The following AHDC1 variants were observed in gnomAD, a reference collection of about 807,000 sequenced individuals.
The protein encoded by AHDC1 is AT-hook DNA binding motif containing 1.
In AHDC1, 7 loss-of-function variants were observed where a neutral mutation model predicts 87.9. The ratio of observed to expected loss-of-function variants is 0.08; its 90% CI spans 0.05 to 0.15. AHDC1 has a LOEUF of 0.15. Among genes scored for constraint, AHDC1 ranks in the 10% least tolerant of loss-of-function variants. The pLI is 1.00. For missense variants in AHDC1, 1,841 were observed against 2,253.2 expected (o/e 0.82, Z 3.70); for synonymous variants, 1,051 against 1,006.8 (o/e 1.04, Z -0.83).
At chr1:27,587,547 G>A (rs2089094662) in intron 3 of AHDC1, among the ~76,000 whole-genome samples, 1 of 152,126 alleles carries the variant, frequency 6.6e-6, no homozygotes, top group Non-Finnish European at 1.5e-5. Context: ...CCAGAACCCT[G>A]ACAATTTCCT....
intron 3 of AHDC1, among the ~76,000 whole-genome samples, chr1:27,580,663 A>G (rs2088879555): frequency 6.6e-6 from 1 of 152,206 alleles, no homozygotes; most frequent in Non-Finnish European, 1.5e-5. Context: ...TAACTATTTC[A>G]CAGGTTGTTG....
intron 7 of AHDC1, 183 bp from the exon 8 acceptor site, chr1:27,552,372 T>C (rs1266658188): frequency 8.7e-6 from 4 of 459,322 alleles, no homozygotes; most frequent in African/African-American, 4.1e-5. Flanking sequence ...ACCATGTGTA[T>C]AGTGAGCCCC....
rs2020157165 is a variant in AHDC1 at position 27,562,931 on chromosome 1, C to T, written c.-628-4048G>A. ...AGGCGCACAAGTTGGTGACAACCCT[C>T]CTAACGGGATGAACTAAGCACATAA... On this transcript the variant is annotated intron_variant, in intron 3 of 8. Transcript: ENST00000673934. The surrounding 1 kb of genome is among the most constrained non-coding windows in gnomAD (Gnocchi z 4.4). Among the ~76,000 whole-genome samples the T allele has an allele frequency of 6.6e-6, 1 of 152,148 alleles. No individual in the cohort carries two copies. Among genetic ancestry groups the T allele is most frequent in the African/African-American group, 2.4e-5 (1 of 41,418 alleles).
In AHDC1 at chr1:27,562,283, G is replaced by C. The variant is rs114123741; in HGVS notation, c.-628-3400C>G. Among the ~76,000 whole-genome samples, 1 of 152,114 alleles carries C rather than the reference G, an allele frequency of 6.6e-6. No individual in the cohort carries two copies. Among genetic ancestry groups the C allele is most frequent in the Non-Finnish European group, 1.5e-5 (1 of 68,006 alleles). On this transcript the variant is annotated intron_variant, in intron 3 of 8. Transcript: ENST00000673934. The surrounding 1 kb of genome is among the most constrained non-coding windows in gnomAD (Gnocchi z 4.4). ...CGAGCCTGGGAGAGATAACAGGCCC[G>C]AATAGTGCTGACTTGCGGTTCAGAA...
intron 3 of AHDC1, among the ~76,000 whole-genome samples, chr1:27,580,866 C>T (rs560239297): frequency 1.3e-5 from 2 of 152,160 alleles, no homozygotes; most frequent in East Asian, 1.9e-4. Flanking sequence ...GATGGAGTCT[C>T]GCTCTGTCGC....
rs754675220 is a variant in AHDC1 at position 27,549,897 on chromosome 1, C to T, written c.2219G>A (p.Arg740His). 8 of 1,613,530 alleles carry T rather than the reference C, an allele frequency of 5.0e-6. No homozygotes were observed. Among genetic ancestry groups the T allele is most frequent in the South Asian group, 1.1e-5 (1 of 91,018 alleles). The change falls in exon 8 of 9, where the codon CGC becomes CAC. Residue 740 changes from arginine (R) to histidine (H), a missense_variant. This residue lies in a region of AHDC1 where 236 missense variants were observed against 257.9 expected (regional missense o/e 0.92). Coordinates refer to ENST00000673934, the MANE Select transcript of AHDC1 (RefSeq NM_001371928.1). The stretch of plus-strand genomic sequence containing the variant: ...CCCATTCTTCCGGGACCGTCTCTTG[C>T]GCTTTGGCTTCCCAGTCACAGCGTC... ...EVDAVTGKPK[R>H]KRRSRKNGTL...
At position 27,595,195 on chromosome 1, in the gene AHDC1, C is replaced by A. The variant is rs1287401769; in HGVS notation, c.-629+8202G>T. Among the ~76,000 whole-genome samples, 3 of 151,864 alleles carry A rather than the reference C, an allele frequency of 2.0e-5. No individual in the cohort carries two copies. The highest frequency in any genetic ancestry group is 2.0e-4 in the Admixed American group (3 of 15,252). On this transcript the variant is annotated intron_variant, in intron 3 of 8. Coordinates refer to ENST00000673934, the MANE Select transcript of AHDC1 (RefSeq NM_001371928.1). This position sits in a 1 kb window ranked among gnomAD's most constrained non-coding sequence, Gnocchi z 4.0. The stretch of plus-strand genomic sequence containing the variant: ...TTCTTGTTTGAGTGGGTGTTTGAAG[C>A]AGTGAGTGTATGTGTGTTGTAGGGG...
At chr1:27,543,954 A>T (rs1571217178) in intron 8 of AHDC1, among the ~76,000 whole-genome samples, 1 of 152,234 alleles carries the variant, frequency 6.6e-6, no homozygotes, top group South Asian at 2.1e-4. Context: ...AAAAGAAAAA[A>T]AAAAAAAAGT....
In AHDC1 at chr1:27,551,359, A is replaced by G; in HGVS notation, c.757T>C (p.Cys253Arg). ...GCCTCTAGCAGCTGGGCCTCTGGGC[A>G]AGTGAGGGAGGCCAGCTCACTAAGG... is the stretch of plus-strand genomic sequence containing the variant. Reference protein sequence around the residue: ...DILSELASLTCPEAQLLEAQA... With the variant: ...DILSELASLTRPEAQLLEAQA... Residue 253 changes from cysteine (C) to arginine (R), a missense_variant, in exon 8 of 9, where the codon TGC becomes CGC. Cys to Arg is a radical substitution (Grantham distance 180). Transcript: ENST00000673934. The G allele has an allele frequency of 6.2e-7, 1 of 1,613,680 alleles. No individual in the cohort carries two copies. Among genetic ancestry groups the G allele is most frequent in the Non-Finnish European group, 8.5e-7 (1 of 1,179,940 alleles).
rs1274332811 is a variant in AHDC1 at position 27,551,111 on chromosome 1, G to T, written c.1005C>A (p.Asp335Glu). Reference protein sequence around the residue: ...ESQLLDPQALDPLPKLLDVPG... With the variant: ...ESQLLDPQALEPLPKLLDVPG... ...GGACGTCAAGCAGCTTGGGCAGGGG[G>T]TCGAGTGCCTGGGGGTCAAGCAGCT... is the stretch of plus-strand genomic sequence containing the variant. The change falls in exon 8 of 9, where the codon GAC becomes GAA. Residue 335 changes from aspartate to glutamate, a missense_variant. Physicochemically the swap from Asp to Glu is conservative, Grantham distance 45 (BLOSUM62 2). This residue lies in a region of AHDC1 where 370 missense variants were observed against 391.5 expected (regional missense o/e 0.95). Coordinates refer to ENST00000673934, the MANE Select transcript of AHDC1 (RefSeq NM_001371928.1). The T allele has an allele frequency of 3.8e-6, 6 of 1,583,500 alleles. No homozygotes were observed. Among genetic ancestry groups the T allele is most frequent in the Admixed American group, 1.8e-5 (1 of 55,286 alleles).
Position 27,561,674 on chromosome 1 carries a change from CAA to C in AHDC1, c.-628-2793_-628-2792del, listed in dbSNP as rs550735938. 2.3e-3 allele frequency among the ~76,000 whole-genome samples: 346 copies of C among 151,374 alleles called. 2 individuals carry two copies. The highest frequency in any genetic ancestry group is 3.8e-3 in the Non-Finnish European group (260 of 67,858). On this transcript the variant is annotated intron_variant, in intron 3 of 8. Transcript: ENST00000673934. This position sits in a 1 kb window ranked among gnomAD's most constrained non-coding sequence, Gnocchi z 4.2. ...GTTGCAGACACCAGCCGAGACCACA[CAA>C]GAGAGAGAGAGGAAAAGACAGAGAG...
At chr1:27,567,293 G>A (rs532174168) in intron 3 of AHDC1, among the ~76,000 whole-genome samples, 170 of 152,320 alleles carry the variant, frequency 1.1e-3, no homozygotes, top group Middle Eastern at 6.8e-3. Context: ...CCAAGGCGAC[G>A]GTGGGTCAGA....
intron 3 of AHDC1, among the ~76,000 whole-genome samples, chr1:27,574,910 C>T (rs2088666273): frequency 6.6e-6 from 1 of 152,208 alleles, no homozygotes; most frequent in African/African-American, 2.4e-5. Flanking sequence ...CGGGGCCCTT[C>T]TCTGGACTCT....
chr1:27,571,069 G>A (rs1339792865), intron 3 of AHDC1, among the ~76,000 whole-genome samples: 7 of 152,166 alleles, frequency 4.6e-5, no homozygotes, highest in Non-Finnish European at 1.0e-4. Context: ...TGACTTTCAG[G>A]AAGAAAAGGC....
At chr1:27,541,770 C>T (rs1318787297) in intron 8 of AHDC1, among the ~76,000 whole-genome samples, 1 of 152,004 alleles carries the variant, frequency 6.6e-6, no homozygotes, top group East Asian at 1.9e-4. Context: ...GCTGGCACTA[C>T]AGGCACCTGC....
chr1:27,553,361 A>T (rs995633795), intron 5 of AHDC1, 176 bp from the exon 6 acceptor site: 1 of 152,244 alleles, frequency 6.6e-6, no homozygotes, highest in East Asian at 1.9e-4. Context: ...TAAAAGTAAC[A>T]TCATTCATTC....
chr1:27,584,866 C>T (rs2148450398), intron 3 of AHDC1, among the ~76,000 whole-genome samples: 1 of 152,162 alleles, frequency 6.6e-6, no homozygotes, highest in Admixed American at 6.5e-5. Context: ...CCATCTCCTA[C>T]TTAGGGCATC....
intron 3 of AHDC1, among the ~76,000 whole-genome samples, chr1:27,575,928 G>A (rs2088725551): frequency 1.3e-5 from 2 of 151,898 alleles, no homozygotes; most frequent in African/African-American, 4.8e-5. Context: ...GGGGAGGGGA[G>A]GGCCGTCGCG....
intron 8 of AHDC1, among the ~76,000 whole-genome samples, chr1:27,540,351 C>T (rs1045159700): frequency 6.6e-6 from 1 of 151,892 alleles, no homozygotes; most frequent in African/African-American, 2.4e-5. Context: ...CTTAACCTTT[C>T]CTCTTAGAAT....
Sources: gnomAD v4.1 joint callset for allele counts (sites outside exome capture counted in the v4.1 genomes callset) on GRCh38, gnomAD v4.1.1 for gene constraint, gnomAD v4.1.1 regional missense constraint, Gnocchi (gnomAD v3.1) non-coding constraint, MANE v1.5 for transcripts, NCBI Gene and HGNC (gene_info 2026-07-23, HGNC 2026-07-21) for gene names.